The following CLSTN2 variants were observed in gnomAD, a reference collection of about 807,000 sequenced individuals.
CLSTN2 encodes calsyntenin-2.
In CLSTN2, 48 loss-of-function variants were observed where a neutral mutation model predicts 101.2. That is an observed-to-expected ratio of 0.47 (90% CI 0.38 to 0.60). The LOEUF (loss-of-function observed/expected upper bound fraction) is 0.60, where lower values mean the gene tolerates loss of function less well. CLSTN2 is among the 20% of genes least tolerant of loss of function. CLSTN2 has a pLI of 0.00. For synonymous variants in CLSTN2, 481 were observed against 463.6 expected (o/e 1.04, Z -0.48); for missense variants, 1,160 against 1,238.2 (o/e 0.94, Z 0.95).
intron 2 of CLSTN2, among the ~76,000 whole-genome samples, chr3:140,255,754 C>A (rs564456874): frequency 7.0e-4 from 106 of 152,074 alleles, no homozygotes; most frequent in African/African-American, 2.5e-3. Context: ...ACCCCTTGAA[C>A]CTAAAATAAA....
At chr3:140,344,928 C>T (rs1253847868) in intron 2 of CLSTN2, among the ~76,000 whole-genome samples, 2 of 152,100 alleles carry the variant, frequency 1.3e-5, no homozygotes, top group African/African-American at 2.4e-5. Flanking sequence ...TCTGGAGAAG[C>T]ACAGAAAGAA....
intron 8 of CLSTN2, among the ~76,000 whole-genome samples, chr3:140,504,269 A>C (rs1009478745): frequency 6.6e-6 from 1 of 152,210 alleles, no homozygotes; most frequent in African/African-American, 2.4e-5. Flanking sequence ...TGTCATTAAC[A>C]AGGGGTCCTT....
chr3:140,511,379 T>C (rs777266372), intron 8 of CLSTN2, among the ~76,000 whole-genome samples: 1 of 152,114 alleles, frequency 6.6e-6, no homozygotes, highest in African/African-American at 2.4e-5. Context: ...TTTGAGTACA[T>C]ATGCAGTAAT....
intron 2 of CLSTN2, among the ~76,000 whole-genome samples, chr3:140,304,995 G>A (rs962219818): frequency 2.0e-5 from 3 of 151,390 alleles, no homozygotes; most frequent in Admixed American, 2.0e-4. Flanking sequence ...CTTCTCCCTG[G>A]AGGACATAGC....
At chr3:139,957,602 T>C (rs1158478031) in intron 1 of CLSTN2, among the ~76,000 whole-genome samples, 3 of 152,144 alleles carry the variant, frequency 2.0e-5, no homozygotes, top group Non-Finnish European at 4.4e-5. Context: ...TGGTAACTAA[T>C]TATTGACTGG....
At chr3:140,371,560 G>A (rs2087857741) in intron 2 of CLSTN2, among the ~76,000 whole-genome samples, 1 of 152,124 alleles carries the variant, frequency 6.6e-6, no homozygotes, top group Admixed American at 6.5e-5. Context: ...CTGTGCCTGG[G>A]CATGTTGGGT....
At chr3:140,048,365 C>CA (rs2007923152) in intron 1 of CLSTN2, among the ~76,000 whole-genome samples, 1 of 152,138 alleles carries the variant, frequency 6.6e-6, no homozygotes, top group South Asian at 2.1e-4. Context: ...TGGCACTAAC[C>CA]AACAACTGGT....
intron 1 of CLSTN2, among the ~76,000 whole-genome samples, chr3:140,001,347 A>G (rs1205327661): frequency 6.6e-6 from 1 of 151,480 alleles, no homozygotes; most frequent in African/African-American, 2.4e-5. Flanking sequence ...TATCAAATAC[A>G]CCTGATGAGT....
intron 1 of CLSTN2, among the ~76,000 whole-genome samples, chr3:140,014,817 G>A (rs72981830): frequency 0.071 from 10,740 of 152,228 alleles, 441 homozygotes; most frequent in East Asian, 0.17. Context: ...TGTGGCCATC[G>A]TAAGAACTTT....
At chr3:140,510,803 C>T (rs1934799279) in intron 8 of CLSTN2, among the ~76,000 whole-genome samples, 1 of 152,210 alleles carries the variant, frequency 6.6e-6, no homozygotes, top group East Asian at 1.9e-4. Flanking sequence ...AACATCTTTG[C>T]CCTGGCATAA....
At chr3:140,469,883 G>T (rs1417015045) in intron 8 of CLSTN2, among the ~76,000 whole-genome samples, 1 of 152,172 alleles carries the variant, frequency 6.6e-6, no homozygotes, top group African/African-American at 2.4e-5. Flanking sequence ...GTGATTAATT[G>T]ATCTTTAGAC....
At chr3:140,478,000 T>C (rs1272991478) in intron 8 of CLSTN2, among the ~76,000 whole-genome samples, 2 of 152,188 alleles carry the variant, frequency 1.3e-5, no homozygotes, top group Admixed American at 6.5e-5. Flanking sequence ...AGGAATACTT[T>C]CCTGTAACTT....
intron 1 of CLSTN2, among the ~76,000 whole-genome samples, chr3:140,122,805 T>G (rs771850577): frequency 1.3e-4 from 20 of 152,184 alleles, no homozygotes; most frequent in Non-Finnish European, 2.8e-4. Context: ...GGCTATATAG[T>G]TGCGGTCACA....
intron 5 of CLSTN2, among the ~76,000 whole-genome samples, chr3:140,432,164 ACTCAGATTTCAGT>A (rs112621959): frequency 0.17 from 17,010 of 101,152 alleles, 1,328 homozygotes; most frequent in East Asian, 0.41. Flanking sequence ...CGGTCCAGGA[ACTCAGATTTCAGT>A]CTCAGATTTC....
intron 1 of CLSTN2, among the ~76,000 whole-genome samples, chr3:139,946,828 T>A (rs1935222476): frequency 6.6e-6 from 1 of 152,222 alleles, no homozygotes; most frequent in African/African-American, 2.4e-5. Context: ...TTTGGAGCAC[T>A]TACCATTATT....
At chr3:140,511,593 A>G (rs2107768239) in intron 8 of CLSTN2, among the ~76,000 whole-genome samples, 1 of 121,502 alleles carries the variant, frequency 8.2e-6, no homozygotes, top group African/African-American at 3.2e-5. Context: ...TCTGTCACCC[A>G]GCGTGGAGTG....
intron 2 of CLSTN2, among the ~76,000 whole-genome samples, chr3:140,206,047 TAA>T (rs929160972): frequency 3.9e-5 from 6 of 152,062 alleles, no homozygotes; most frequent in Non-Finnish European, 4.4e-5. Context: ...ATCCACTCAT[TAA>T]AAAAAGAAAG....
intron 2 of CLSTN2, among the ~76,000 whole-genome samples, chr3:140,322,359 G>C (rs2087292121): frequency 1.3e-5 from 2 of 152,304 alleles, no homozygotes; most frequent in South Asian, 4.1e-4. Flanking sequence ...TTCATGCTGA[G>C]GACTAGGGAT....
intron 8 of CLSTN2, chr3:140,506,566 T>C (rs1273779838): frequency 6.6e-6 from 1 of 152,116 alleles, no homozygotes; most frequent in African/African-American, 2.4e-5. Flanking sequence ...GGAGGACAGG[T>C]GGGGCTCTGC....
Sources: gnomAD v4.1 joint callset for allele counts (sites outside exome capture counted in the v4.1 genomes callset) on GRCh38, gnomAD v4.1.1 for gene constraint, MANE v1.5 for transcripts, NCBI Gene and HGNC (gene_info 2026-07-23, HGNC 2026-07-21) for gene names.